PIEZO2: variants seen among roughly 807,000 people sequenced by gnomAD.
The protein encoded by PIEZO2 is piezo type mechanosensitive ion channel component 2, also known as piezo-type mechanosensitive ion channel component 2.
Under a neutral mutation model 337.3 loss-of-function variants are expected in PIEZO2, and 172 were observed. The ratio of observed to expected loss-of-function variants is 0.51; its 90% CI spans 0.45 to 0.58. The LOEUF (loss-of-function observed/expected upper bound fraction) is 0.58. PIEZO2 is among the 20% of genes least tolerant of loss of function. PIEZO2 has a pLI of 0.00. For synonymous variants in PIEZO2, 1,251 were observed against 1,228.5 expected, an observed-to-expected ratio of 1.02 and a Z score of -0.38; for missense variants, 3,028 against 3,391.3, an observed-to-expected ratio of 0.89 and a Z score of 2.66.
rs183383380 is a variant in PIEZO2, at chr18:10,870,111, G to A, written c.492+1142C>T. 6.6e-6 allele frequency among the ~76,000 whole-genome samples: 1 copy of A among 152,142 alleles called. No homozygotes were observed. The highest frequency in any genetic ancestry group is 2.4e-5 in the African/African-American group (1 of 41,406). ...GGCTGGTCTCGAACTCATGACCTCAGGTGATCTGCCCACCTGGGCCTCCCA... is the reference window on the plus strand; with the variant it reads ...GGCTGGTCTCGAACTCATGACCTCAAGTGATCTGCCCACCTGGGCCTCCCA... On this transcript the variant is annotated intron_variant, in intron 5 of 55. Coordinates refer to ENST00000674853, the MANE Select transcript of PIEZO2 (RefSeq NM_001378183.1). The surrounding 1 kb of genome is among the most constrained non-coding windows in gnomAD (Gnocchi z 5.3).
At chr18:11,068,227 C>T (rs923710459) in intron 1 of PIEZO2, among the ~76,000 whole-genome samples, 2 of 152,278 alleles carry the variant, frequency 1.3e-5, no homozygotes, top group Non-Finnish European at 2.9e-5. Context: ...GCAGAATACA[C>T]GTTCTTCTTA....
At chr18:11,120,550 G>A (rs2040002672) in intron 1 of PIEZO2, among the ~76,000 whole-genome samples, 1 of 152,122 alleles carries the variant, frequency 6.6e-6, no homozygotes, top group African/African-American at 2.4e-5. Flanking sequence ...TTCGAAGCAG[G>A]AAAACAAACA....
chr18:10,800,340 AG>A lies in PIEZO2; in HGVS notation c.1374del (p.Ser459GlnfsTer39). On this transcript the variant is annotated frameshift_variant, in exon 11 of 56. Coordinates refer to ENST00000674853, the MANE Select transcript of PIEZO2 (RefSeq NM_001378183.1). LOFTEE classifies it high-confidence loss of function. ...TGAGTGCAGGGCTGGCTCCTACCTG[AG>A]GATTCATCAGAGGGCTCCCACCGGT... ...PQYRWEPSDE[S>X]SEKREEEEEE... 6.5e-7 allele frequency: 1 copy of A among 1,534,448 alleles called. No individual in the cohort carries two copies. The highest frequency in any genetic ancestry group is 8.7e-7 in the Non-Finnish European group (1 of 1,145,708).
At chr18:10,965,616 G>A (rs938588729) in intron 3 of PIEZO2, among the ~76,000 whole-genome samples, 4 of 152,144 alleles carry the variant, frequency 2.6e-5, no homozygotes, top group South Asian at 2.1e-4. Context: ...TGAAAATAAC[G>A]TCCAAATTCT....
At position 10,742,599 on chromosome 18, in the gene PIEZO2, C is replaced by T; in HGVS notation, c.4531G>A (p.Ala1511Thr). 6.5e-7 allele frequency: 1 copy of T among 1,537,124 alleles called. No homozygotes were observed. The highest frequency in any genetic ancestry group is 8.7e-7 in the Non-Finnish European group (1 of 1,146,862). Residue 1511 changes from alanine (A) to threonine (T), a missense_variant, in exon 32 of 56, where the codon GCC (alanine) becomes ACC (threonine). By Grantham distance (58) the Ala-to-Thr change is moderately conservative (BLOSUM62 0). Transcript: ENST00000674853. ...QLKRQMDRIK[A>T]RQQKYKKGKE... is the part of the protein sequence containing the mutation. ...CCCTTTTTATATTTCTGTTGCCTGG[C>T]CTTGATGCGATCCATCCTATAAAGT...
Position 11,084,908 on chromosome 18 carries a change from CAT to C in PIEZO2, c.65-18688_65-18687del, listed in dbSNP as rs34232284. Among the ~76,000 whole-genome samples, 232 of 152,334 alleles carry C rather than the reference CAT, an allele frequency of 1.5e-3. 2 individuals carry two copies. The highest frequency in any genetic ancestry group is 3.4e-3 in the Middle Eastern group (1 of 292). On this transcript the variant is annotated intron_variant, in intron 1 of 55. Transcript: ENST00000674853. Reference sequence around the variant, plus strand: ...TTATTGCAGTAAACCGATTCTGTCACATATCAGCTGTCCTTATGTCAGACACT... The same window carrying C: ...TTATTGCAGTAAACCGATTCTGTCACATCAGCTGTCCTTATGTCAGACACT...
chr18:11,010,921 T>C (rs2035875046), intron 2 of PIEZO2, among the ~76,000 whole-genome samples: 1 of 152,264 alleles, frequency 6.6e-6, no homozygotes, highest in South Asian at 2.1e-4. Flanking sequence ...CTACTGCCTT[T>C]CAGCTTCCTT....
chr18:10,950,311 G>A (rs1178611037), intron 3 of PIEZO2, among the ~76,000 whole-genome samples: 2 of 152,144 alleles, frequency 1.3e-5, no homozygotes, highest in African/African-American at 4.8e-5. Context: ...TGTGTGCCAG[G>A]CACGAGGCTT....
chr18:11,035,892 G>A lies in PIEZO2; in HGVS notation c.160+30235C>T, dbSNP rs144598488. On this transcript the variant is annotated intron_variant, in intron 2 of 55. Transcript: ENST00000674853. The surrounding 1 kb of genome is among the most constrained non-coding windows in gnomAD (Gnocchi z 4.3). ...ATCTGTACTCCAAATACTTGTCAGA[G>A]GAATGAACTCCAAATCTCTGCCACT... is the stretch of plus-strand genomic sequence containing the variant. Among the ~76,000 whole-genome samples, 1 of 152,328 alleles carries A rather than the reference G, an allele frequency of 6.6e-6. No individual in the cohort carries two copies. Among genetic ancestry groups the A allele is most frequent in the East Asian group, 1.9e-4 (1 of 5,182 alleles).
At chr18:10,740,935 A>G in intron 33 of PIEZO2, 96 bp downstream of exon 33, 2 of 1,253,806 alleles carry the variant, frequency 1.6e-6, no homozygotes, top group South Asian at 2.5e-5. Context: ...GGATCAAACC[A>G]TGCATGGAAC....
chr18:10,992,274 C>T (rs967983282), intron 2 of PIEZO2, among the ~76,000 whole-genome samples: 1 of 152,150 alleles, frequency 6.6e-6, no homozygotes, highest in African/African-American at 2.4e-5. Context: ...GTTGCCAATG[C>T]TTTTGGTGTT....
chr18:10,796,294 C>T (rs898272677), intron 12 of PIEZO2, among the ~76,000 whole-genome samples: 1 of 151,630 alleles, frequency 6.6e-6, no homozygotes, highest in South Asian at 2.1e-4. Context: ...GGCGTGAACC[C>T]GAGAGGTGGA....
intron 2 of PIEZO2, among the ~76,000 whole-genome samples, chr18:11,022,020 C>T (rs2625360): frequency 0.46 from 69,965 of 152,024 alleles, 16,239 homozygotes; most frequent in Middle Eastern, 0.53. Context: ...TCTGTAATCT[C>T]CTACAGCTGC....
chr18:10,696,490 G>A lies in PIEZO2; in HGVS notation c.6877C>T (p.His2293Tyr), dbSNP rs1000702662. ...PIKQFFYNLIHPEYSAVTDVY... is the reference protein window; with the variant it reads ...PIKQFFYNLIYPEYSAVTDVY... ...TCAGTCACGGCGCTATACTCCGGGT[G>A]GATGAGGTTGTAAAAGAACTGTTTG... The change falls in exon 46 of 56, where the codon CAC becomes TAC. Residue 2293 changes from histidine (H) to tyrosine (Y), a missense_variant. Physicochemically the swap from His to Tyr is moderately conservative, Grantham distance 83. Transcript: ENST00000674853. The A allele has an allele frequency of 1.2e-6, 2 of 1,613,938 alleles. No individual in the cohort carries two copies. The highest frequency in any genetic ancestry group is 8.5e-7 in the Non-Finnish European group (1 of 1,180,040).
At chr18:10,991,926 C>A (rs2035121409) in intron 2 of PIEZO2, among the ~76,000 whole-genome samples, 1 of 152,172 alleles carries the variant, frequency 6.6e-6, no homozygotes, top group Non-Finnish European at 1.5e-5. Flanking sequence ...GCCATTCTAA[C>A]CGGTGTGAGA....
rs138368047 is a variant in PIEZO2 at position 10,720,479 on chromosome 18, G to A, written c.5030-2220C>T. The stretch of plus-strand genomic sequence containing the variant: ...TATATATATATATATATATATTAGA[G>A]TCAGGTCTTGCTCTGTTGCCCAGGT... On this transcript the variant is annotated intron_variant, in intron 36 of 55. Transcript: ENST00000674853. Among the ~76,000 whole-genome samples, 702 of 108,222 alleles carry A rather than the reference G, an allele frequency of 6.5e-3. 13 individuals carry two copies. The highest frequency in any genetic ancestry group is 0.024 in the African/African-American group (660 of 27,556). The allele number at this position is 108,222 out of a possible 152,430, so 71.0% of individuals were successfully genotyped here.
chr18:10,763,156 G>A (rs2038212092), intron 21 of PIEZO2, 58 bp from the exon 22 acceptor site: 2 of 1,481,940 alleles, frequency 1.3e-6, no homozygotes, highest in East Asian at 4.9e-5. Flanking sequence ...TAACAAACAG[G>A]ACAGCCACAA....
rs9951728 is a variant in PIEZO2, at chr18:11,116,700, A to G, written c.64+31825T>C. Among the ~76,000 whole-genome samples, 2,110 of 151,784 alleles carry G rather than the reference A, an allele frequency of 0.014. 42 individuals are homozygous for G. Among genetic ancestry groups the G allele is most frequent in the African/African-American group, 0.046 (1,888 of 41,328 alleles). On this transcript the variant is annotated intron_variant, in intron 1 of 55. Transcript: ENST00000674853. This position sits in a 1 kb window ranked among gnomAD's most constrained non-coding sequence, Gnocchi z 5.0. ...ACCGCACTCCAGCCTGGGCGACAGA[A>G]CGAGACTCCGTCTCAAAAAAAACAA...
In PIEZO2 at chr18:10,982,467, C is replaced by A. The variant is rs1040580471; in HGVS notation, c.161-2807G>T. 3.3e-5 allele frequency among the ~76,000 whole-genome samples: 5 copies of A among 152,072 alleles called. No individual in the cohort carries two copies. The highest frequency in any genetic ancestry group is 7.4e-5 in the Non-Finnish European group (5 of 68,018). On this transcript the variant is annotated intron_variant, in intron 2 of 55. Coordinates refer to ENST00000674853, the MANE Select transcript of PIEZO2 (RefSeq NM_001378183.1). The surrounding 1 kb of genome is among the most constrained non-coding windows in gnomAD (Gnocchi z 4.1). The stretch of plus-strand genomic sequence containing the variant: ...CTCAATATGATAAAAATGTCAATTT[C>A]CCCAAAATTTAGTCTAAAAATTCAG...
Sources: gnomAD v4.1 joint callset for allele counts (sites outside exome capture counted in the v4.1 genomes callset) on GRCh38, gnomAD v4.1.1 for gene constraint, Gnocchi (gnomAD v3.1) non-coding constraint, MANE v1.5 for transcripts, NCBI Gene and HGNC (gene_info 2026-07-23, HGNC 2026-07-21) for gene names.